FOXP1: variants seen among roughly 807,000 people sequenced by gnomAD.
FOXP1 encodes the protein forkhead box protein P1.
FOXP1 carries 15 observed loss-of-function variants against 98.2 expected under a neutral mutation model. The observed-to-expected ratio is 0.15, with a 90% CI of 0.10 to 0.24. The LOEUF (loss-of-function observed/expected upper bound fraction) is 0.24, where lower values mean the gene tolerates loss of function less well. FOXP1 is among the 10% of genes least tolerant of loss of function. The probability of loss-of-function intolerance (pLI) is 1.00; values close to 1 mark genes in which losing one functional copy is unlikely to be tolerated. For missense variants in FOXP1, 633 were observed against 848.5 expected (o/e 0.75, Z 3.15); for synonymous variants, 371 against 314.5 (o/e 1.18, Z -1.90).
At chr3:71,032,261 G>T (rs961413600) in intron 11 of FOXP1, among the ~76,000 whole-genome samples, 2 of 152,248 alleles carry the variant, frequency 1.3e-5, no homozygotes, top group Non-Finnish European at 2.9e-5. Context: ...CACCACCTGG[G>T]CTGTGGCAAT....
At chr3:71,234,820 G>T (rs1026897283) in intron 5 of FOXP1, among the ~76,000 whole-genome samples, 2 of 152,182 alleles carry the variant, frequency 1.3e-5, no homozygotes, top group Non-Finnish European at 2.9e-5. Flanking sequence ...GTGGCCCAGA[G>T]ATAGAAACAC....
chr3:71,022,372 T>C (rs899131297), intron 11 of FOXP1, among the ~76,000 whole-genome samples: 1 of 152,218 alleles, frequency 6.6e-6, no homozygotes, highest in Non-Finnish European at 1.5e-5. Flanking sequence ...ATATAACAAC[T>C]TTTGAAATTA....
At chr3:71,198,432 G>GGGGGCCCCCC in intron 5 of FOXP1, 40 bp from the exon 6 acceptor site, 1 of 491,034 alleles carries the variant, frequency 2.0e-6, no homozygotes, top group Non-Finnish European at 4.0e-6. Context: ...GGGAGGGGGG[G>GGGGGCCCCCC]AGAAAAAAAA....
At chr3:71,561,407 C>CAA (rs56792827) in intron 2 of FOXP1, among the ~76,000 whole-genome samples, 16 of 40,194 alleles carry the variant, frequency 4.0e-4, no homozygotes, top group Non-Finnish European at 9.3e-4. Context: ...TAAAGCTGGC[C>CAA]AAAAAAAAAA....
Position 71,559,703 on chromosome 3 carries a change from T to C in FOXP1, c.-298+21846A>G, listed in dbSNP as rs1193964150. Among the ~76,000 whole-genome samples, 4 of 152,110 alleles carry C rather than the reference T, an allele frequency of 2.6e-5. No individual in the cohort carries two copies. In the East Asian group the frequency reaches 5.8e-4, roughly 22 times the overall value. ...TTTATAAAAACTTAAAAAAATTAGC[T>C]GGGCATGGTGGCACGTGCCTGTAGT... On this transcript the variant is annotated intron_variant, in intron 2 of 20. Coordinates refer to ENST00000649528, the MANE Select transcript of FOXP1 (RefSeq NM_001349338.3).
intron 2 of FOXP1, among the ~76,000 whole-genome samples, chr3:71,561,916 T>C (rs1279341287): frequency 6.6e-6 from 1 of 152,180 alleles, no homozygotes; most frequent in Non-Finnish European, 1.5e-5. Flanking sequence ...TGCAAGTAAG[T>C]ATAGCAAACA....
chr3:71,456,808 GT>G (rs34335003), intron 3 of FOXP1, among the ~76,000 whole-genome samples: 51,012 of 146,672 alleles, frequency 0.35, 8,728 homozygotes, highest in Middle Eastern at 0.39. Flanking sequence ...GTTATTGGTA[GT>G]TTTTTTTTTT....
intron 14 of FOXP1, among the ~76,000 whole-genome samples, chr3:70,978,988 C>T (rs796089572): frequency 2.0e-5 from 3 of 151,800 alleles, no homozygotes; most frequent in African/African-American, 4.8e-5. Context: ...TAAAATAGGC[C>T]GGGCATGGTG....
chr3:71,198,750 C>T (rs532939194), intron 5 of FOXP1, among the ~76,000 whole-genome samples: 11 of 151,428 alleles, frequency 7.3e-5, no homozygotes, highest in African/African-American at 2.4e-4. Flanking sequence ...TGGAGTGCAG[C>T]GGTGCAATCT....
At chr3:71,179,653 G>T (rs1266659033) in intron 6 of FOXP1, among the ~76,000 whole-genome samples, 6 of 152,140 alleles carry the variant, frequency 3.9e-5, no homozygotes, top group African/African-American at 1.2e-4. Flanking sequence ...ATTACTGCTA[G>T]CTCTTTTCTC....
chr3:71,084,662 T>C (rs1450901066), intron 7 of FOXP1, among the ~76,000 whole-genome samples: 1 of 152,246 alleles, frequency 6.6e-6, no homozygotes, highest in Non-Finnish European at 1.5e-5. Context: ...AGATTTTTCA[T>C]GAATAACCTG....
chr3:71,336,535 T>C (rs773130509), intron 4 of FOXP1, among the ~76,000 whole-genome samples: 1 of 151,940 alleles, frequency 6.6e-6, no homozygotes, highest in East Asian at 1.9e-4. Context: ...GGAGAGCGAG[T>C]CAACTCATTA....
intron 6 of FOXP1, among the ~76,000 whole-genome samples, chr3:71,193,752 A>G (rs1312493617): frequency 6.6e-6 from 1 of 152,118 alleles, no homozygotes; most frequent in South Asian, 2.1e-4. Flanking sequence ...GACAGCCTCT[A>G]CATCCCCTTT....
At chr3:71,044,555 T>C (rs553696806) in intron 10 of FOXP1, among the ~76,000 whole-genome samples, 2 of 152,336 alleles carry the variant, frequency 1.3e-5, no homozygotes, top group Non-Finnish European at 2.9e-5. Flanking sequence ...ATTAATTCTC[T>C]ATCTATTCCT....
chr3:71,029,310 C>T (rs2046547414), intron 11 of FOXP1, among the ~76,000 whole-genome samples: 1 of 152,142 alleles, frequency 6.6e-6, no homozygotes, highest in African/African-American at 2.4e-5. Context: ...CTTTCCCTTA[C>T]AGCATTCATT....
At chr3:71,486,354 G>A (rs1157793741) in intron 3 of FOXP1, among the ~76,000 whole-genome samples, 2 of 152,118 alleles carry the variant, frequency 1.3e-5, no homozygotes, top group African/African-American at 2.4e-5. Context: ...GAATACAGAA[G>A]GAATAAAAAG....
At chr3:71,085,442 C>T (rs569473914) in intron 7 of FOXP1, among the ~76,000 whole-genome samples, 56 of 151,964 alleles carry the variant, frequency 3.7e-4, no homozygotes, top group African/African-American at 1.2e-3. Flanking sequence ...TGAGCTACTA[C>T]GCCAGGCCCC....
intron 4 of FOXP1, among the ~76,000 whole-genome samples, chr3:71,336,563 T>C (rs1237971842): frequency 3.9e-5 from 6 of 152,170 alleles, no homozygotes; most frequent in Admixed American, 2.6e-4. Flanking sequence ...ACTTAGTAAA[T>C]AGAGGGAAAG....
At chr3:71,414,898 C>T (rs577307489) in intron 3 of FOXP1, among the ~76,000 whole-genome samples, 1 of 152,246 alleles carries the variant, frequency 6.6e-6, no homozygotes, top group Non-Finnish European at 1.5e-5. Context: ...TCAAATCCTG[C>T]ATCTGGCTTC....
Sources: gnomAD v4.1 joint callset for allele counts (sites outside exome capture counted in the v4.1 genomes callset) on GRCh38, gnomAD v4.1.1 for gene constraint, MANE v1.5 for transcripts, NCBI Gene and HGNC (gene_info 2026-07-23, HGNC 2026-07-21) for gene names.